CACNA1D: variants seen among roughly 807,000 people sequenced by gnomAD.
CACNA1D encodes the protein calcium voltage-gated channel subunit alpha1 D.
CACNA1D carries 55 observed loss-of-function variants against 257.1 expected under a neutral mutation model. The observed-to-expected ratio is 0.21, with a 90% CI of 0.17 to 0.27. The LOEUF is 0.27. Ranked by LOEUF, CACNA1D falls within the 10% of genes least tolerant of loss-of-function variation. The pLI is 1.00. For missense variants in CACNA1D, 1,876 were observed against 2,784.0 expected, an observed-to-expected ratio of 0.67 and a Z score of 7.34; for synonymous variants, 980 against 1,014.9, an observed-to-expected ratio of 0.97 and a Z score of 0.65.
chr3:53,797,723 AC>A (rs1460427895), intron 40 of CACNA1D: 23 of 152,224 alleles, frequency 1.5e-4, no homozygotes, highest in African/African-American at 5.1e-4. Flanking sequence ...TGAAATGTCA[AC>A]CCGTCAACAG....
intron 39 of CACNA1D, chr3:53,786,515 C>T: frequency 3.0e-6 from 1 of 338,938 alleles, no homozygotes; most frequent in Non-Finnish European, 5.5e-6. Context: ...AGTAAATAAC[C>T]AAGACAGCAT....
intron 3 of CACNA1D, among the ~76,000 whole-genome samples, chr3:53,621,085 A>G (rs2093692034): frequency 6.6e-6 from 1 of 152,190 alleles, no homozygotes; most frequent in Non-Finnish European, 1.5e-5. Context: ...TACCCCATTG[A>G]GTAGCAGCTT....
At chr3:53,716,904 G>T (rs984127168) in intron 9 of CACNA1D, among the ~76,000 whole-genome samples, 3 of 152,152 alleles carry the variant, frequency 2.0e-5, no homozygotes, top group African/African-American at 7.2e-5. Context: ...CTCTATCCCT[G>T]CTGTTACCTT....
chr3:53,600,977 A>G (rs1384348298), intron 3 of CACNA1D, among the ~76,000 whole-genome samples: 2 of 152,104 alleles, frequency 1.3e-5, no homozygotes, highest in African/African-American at 4.8e-5. Context: ...GGCAACCCTA[A>G]CGTGTTGGGG....
chr3:53,681,793 T>G (rs1164197917), intron 8 of CACNA1D, among the ~76,000 whole-genome samples: 2 of 152,202 alleles, frequency 1.3e-5, no homozygotes, highest in African/African-American at 2.4e-5. Flanking sequence ...GCTGTCAGTT[T>G]ATTGGGTAGG....
chr3:53,723,540 T>C lies in CACNA1D; in HGVS notation c.1773T>C (p.Asp591=). The C allele has an allele frequency of 6.2e-7, 1 of 1,614,032 alleles. No homozygotes were observed. Among genetic ancestry groups the C allele is most frequent in the South Asian group, 1.1e-5 (1 of 91,072 alleles). ...TCGTCTCTCTTTTCAACCGGTTTGA[T>C]TGCTTCGTGGTGTGTGGTGGAATCA... The part of the protein sequence containing the change: ...AYFVSLFNRF[D]CFVVCGGITE... Residue 591 remains aspartate, a synonymous_variant, in exon 13 of 48, where the codon GAT becomes GAC. Coordinates refer to ENST00000350061, the MANE Select transcript of CACNA1D (RefSeq NM_001128840.3). The surrounding 1 kb of genome is among the most constrained non-coding windows in gnomAD (Gnocchi z 5.6).
intron 3 of CACNA1D, among the ~76,000 whole-genome samples, chr3:53,600,014 G>T (rs149985860): frequency 1.3e-5 from 2 of 152,224 alleles, no homozygotes; most frequent in African/African-American, 4.8e-5. Context: ...GGAAGAAATT[G>T]GTTTCTCAGC....
chr3:53,660,687 T>C (rs2094195069), intron 5 of CACNA1D, among the ~76,000 whole-genome samples: 1 of 151,970 alleles, frequency 6.6e-6, no homozygotes, highest in Non-Finnish European at 1.5e-5. Flanking sequence ...CGTGCCTTTT[T>C]TTTTTTCCCC....
At chr3:53,543,129 TAAAGAAAG>T (rs1217718422) in intron 3 of CACNA1D, among the ~76,000 whole-genome samples, 15 of 121,554 alleles carry the variant, frequency 1.2e-4, no homozygotes, top group African/African-American at 4.7e-4. Context: ...AAAAAATAAA[TAAAGAAAG>T]AAATAAATAA....
rs2095474524 is a variant in CACNA1D at position 53,789,789 on chromosome 3, C to T, written c.4923+2837C>T. Reference sequence around the variant, plus strand: ...AGCTTCCAGGATGGGCCCAAGACCTCTGCGCCCCCACCCCCAGGGAATGTT... The same window carrying T: ...AGCTTCCAGGATGGGCCCAAGACCTTTGCGCCCCCACCCCCAGGGAATGTT... On this transcript the variant is annotated intron_variant, in intron 40 of 47. Transcript: ENST00000350061. The surrounding 1 kb of genome is among the most constrained non-coding windows in gnomAD (Gnocchi z 4.2). 6.6e-6 allele frequency among the ~76,000 whole-genome samples: 1 copy of T among 152,230 alleles called. No individual in the cohort carries two copies. The highest frequency in any genetic ancestry group is 2.4e-5 in the African/African-American group (1 of 41,458).
chr3:53,733,077 T>C, intron 19 of CACNA1D, 115 bp downstream of exon 19: 1 of 996,348 alleles, frequency 1.0e-6, no homozygotes, highest in Non-Finnish European at 1.5e-6. Flanking sequence ...TTTCTGAACC[T>C]GAGTGTCCCT....
In CACNA1D at chr3:53,742,998, AT is replaced by A. The variant is rs1436117700; in HGVS notation, c.2812-11del. The A allele has an allele frequency of 2.6e-6, 4 of 1,560,338 alleles. No individual in the cohort carries two copies. Among genetic ancestry groups the A allele is most frequent in the African/African-American group, 1.4e-5 (1 of 73,784 alleles). ...GACAAAAAATGGTAAATCATCCATGATTCTGCTTCTAGATGACAACTTTTGG... is the reference window on the plus strand; with the variant it reads ...GACAAAAAATGGTAAATCATCCATGATCTGCTTCTAGATGACAACTTTTGG... On this transcript the variant is annotated splice_polypyrimidine_tract_variant and intron_variant, in intron 21 of 47. Transcript: ENST00000350061.
intron 38 of CACNA1D, 149 bp from the exon 39 acceptor site, chr3:53,781,417 C>G (rs1378723836): frequency 4.5e-6 from 3 of 673,486 alleles, no homozygotes; most frequent in Non-Finnish European, 8.2e-6. Flanking sequence ...GTGTGTTTGC[C>G]CCTGACTGGG....
intron 3 of CACNA1D, among the ~76,000 whole-genome samples, chr3:53,510,624 A>G (rs753083255): frequency 2.6e-5 from 4 of 152,180 alleles, no homozygotes; most frequent in Non-Finnish European, 4.4e-5. Flanking sequence ...TTTAATATCC[A>G]TGTTTATTGC....
At chr3:53,580,624 C>T (rs896805051) in intron 3 of CACNA1D, among the ~76,000 whole-genome samples, 6 of 152,194 alleles carry the variant, frequency 3.9e-5, no homozygotes, top group African/African-American at 1.4e-4. Context: ...TGTAATAAAG[C>T]ATCCTCATAA....
chr3:53,787,409 C>T (rs2095459977), intron 40 of CACNA1D, among the ~76,000 whole-genome samples: 2 of 123,738 alleles, frequency 1.6e-5, no homozygotes, highest in Admixed American at 1.6e-4. Flanking sequence ...ACATCCATCA[C>T]CTCCTAGTAT....
intron 3 of CACNA1D, among the ~76,000 whole-genome samples, chr3:53,520,874 C>A (rs1313270532): frequency 9.8e-5 from 8 of 81,932 alleles, no homozygotes; most frequent in African/African-American, 5.9e-4. Context: ...TTCTTTCTTT[C>A]TTTCTTTCTT....
chr3:53,774,118 C>T lies in CACNA1D; in HGVS notation c.4111-469C>T, dbSNP rs189243171. The T allele has an allele frequency of 5.3e-6, 1 of 188,178 alleles. No individual in the cohort carries two copies. The highest frequency in any genetic ancestry group is 5.5e-5 in the Admixed American group (1 of 18,164). The allele number at this position is 188,178 out of a possible 1,614,324, so 11.7% of individuals were successfully genotyped here. ...CATTCCCTCGGTATCTATGCTGTCA[C>T]CCTGCTCCTATGCACATGGTGCTCC... On this transcript the variant is annotated intron_variant, in intron 33 of 47. Coordinates refer to ENST00000350061, the MANE Select transcript of CACNA1D (RefSeq NM_001128840.3). This position sits in a 1 kb window ranked among gnomAD's most constrained non-coding sequence, Gnocchi z 4.3.
In CACNA1D at chr3:53,673,075, T is replaced by C; in HGVS notation, c.1169T>C (p.Val390Ala). The C allele has an allele frequency of 2.6e-6, 4 of 1,552,468 alleles. No homozygotes were observed. The highest frequency in any genetic ancestry group is 3.5e-6 in the Non-Finnish European group (4 of 1,147,288). Residue 390 changes from valine (V) to alanine (A), a missense_variant, in exon 8 of 48, where the codon GTC becomes GCC. Coordinates refer to ENST00000350061, the MANE Select transcript of CACNA1D (RefSeq NM_001128840.3). The surrounding 1 kb of genome is among the most constrained non-coding windows in gnomAD (Gnocchi z 4.1). Reference sequence around the variant, plus strand: ...CCCTGGGTGTATTTTGTCAGTCTCGTCATCTTTGGGTCATTTTTCGTACTA... The same window carrying C: ...CCCTGGGTGTATTTTGTCAGTCTCGCCATCTTTGGGTCATTTTTCGTACTA... ...ELPWVYFVSL[V>A]IFGSFFVLNL...
Sources: allele counts gnomAD v4.1 joint callset (sites outside exome capture counted in the v4.1 genomes callset), GRCh38; gene constraint gnomAD v4.1.1; non-coding constraint Gnocchi (gnomAD v3.1); transcripts MANE v1.5; gene names NCBI Gene and HGNC (gene_info 2026-07-23, HGNC 2026-07-21).